Variants in FAF1 observed in about 807,000 individuals in gnomAD.
FAF1 encodes Fas associated factor 1, also known as FAS-associated factor 1.
FAF1 carries 25 observed loss-of-function variants against 92.5 expected under a neutral mutation model. That is an observed-to-expected ratio of 0.27 (90% CI 0.20 to 0.38). The LOEUF (loss-of-function observed/expected upper bound fraction) is 0.38, where lower values mean the gene tolerates loss of function less well. Ranked by LOEUF, FAF1 falls within the 10% of genes least tolerant of loss-of-function variation. FAF1 has a pLI of 1.00. For missense variants in FAF1, 636 were observed against 793.3 expected (o/e 0.80, Z 2.38); for synonymous variants, 234 against 273.2 (o/e 0.86, Z 1.42).
chr1:50,813,865 G>A (rs973147968), intron 2 of FAF1, among the ~76,000 whole-genome samples: 1 of 151,328 alleles, frequency 6.6e-6, no homozygotes, highest in Admixed American at 6.6e-5. Context: ...TGAAGAAAAT[G>A]AAAACATATG....
intron 2 of FAF1, among the ~76,000 whole-genome samples, chr1:50,836,958 T>TC (rs1644211576): frequency 1.5e-5 from 2 of 132,972 alleles, no homozygotes; most frequent in African/African-American, 6.0e-5. Context: ...TTTCTTTTTT[T>TC]TTTTTTTTTT....
intron 1 of FAF1, among the ~76,000 whole-genome samples, chr1:50,885,227 T>C (rs1472568217): frequency 6.6e-6 from 1 of 152,060 alleles, no homozygotes; most frequent in Non-Finnish European, 1.5e-5. Flanking sequence ...TTGCCTTTCA[T>C]TGATCTTGTG....
intron 8 of FAF1, among the ~76,000 whole-genome samples, chr1:50,629,327 G>C (rs146715768): frequency 6.6e-6 from 1 of 152,070 alleles, no homozygotes; most frequent in East Asian, 1.9e-4. Flanking sequence ...ATGGCACCAC[G>C]CCCAGCTAAG....
At chr1:50,635,424 G>GTTGTT (rs1026593198) in intron 8 of FAF1, among the ~76,000 whole-genome samples, 1 of 152,088 alleles carries the variant, frequency 6.6e-6, no homozygotes, top group African/African-American at 2.4e-5. Context: ...TAATCTGGTT[G>GTTGTT]TTGTTTTGTT....
intron 2 of FAF1, among the ~76,000 whole-genome samples, chr1:50,855,313 C>T (rs1644382082): frequency 6.6e-6 from 1 of 151,782 alleles, no homozygotes; most frequent in South Asian, 2.1e-4. Context: ...TCAGTGCTCA[C>T]TGAATGTGTT....
At chr1:50,512,584 T>C (rs1270810005) in intron 15 of FAF1, among the ~76,000 whole-genome samples, 3 of 152,210 alleles carry the variant, frequency 2.0e-5, no homozygotes, top group Admixed American at 6.5e-5. Flanking sequence ...TTCTGTTCCA[T>C]TGGTCTATAT....
intron 13 of FAF1, among the ~76,000 whole-genome samples, chr1:50,551,749 C>T (rs1049913240): frequency 1.3e-5 from 2 of 152,120 alleles, no homozygotes; most frequent in Non-Finnish European, 2.9e-5. Context: ...TTCAGAAATA[C>T]AGGCTAAGGT....
chr1:50,798,883 G>T (rs772850875), intron 3 of FAF1, among the ~76,000 whole-genome samples: 4 of 152,100 alleles, frequency 2.6e-5, no homozygotes, highest in Non-Finnish European at 5.9e-5. Flanking sequence ...ATCTTTTTCT[G>T]TTCGTGTTTT....
rs1032997279 is a variant in FAF1 at position 50,785,620 on chromosome 1, AGGAAAGAAAAGAAAAG to A, written c.367+2364_367+2379del. The stretch of plus-strand genomic sequence containing the variant: ...AGGATGGCTACTATACAAAAAAAAA[AGGAAAGAAAAGAAAAG>A]GGAAAGAAAAGAGAAAAGAAAAACA... On this transcript the variant is annotated intron_variant, in intron 4 of 18. Transcript: ENST00000396153. 8.5e-5 allele frequency among the ~76,000 whole-genome samples: 13 copies of A among 152,110 alleles called. No homozygotes were observed. In the South Asian group the frequency reaches 1.0e-3, roughly 12 times the overall value.
intron 15 of FAF1, among the ~76,000 whole-genome samples, chr1:50,524,876 T>C (rs1228725421): frequency 6.6e-6 from 1 of 152,082 alleles, no homozygotes; most frequent in Non-Finnish European, 1.5e-5. Flanking sequence ...AGGCTCTTTT[T>C]TTTGGTCCCA....
At chr1:50,686,257 C>A (rs1656651264) in intron 7 of FAF1, among the ~76,000 whole-genome samples, 1 of 152,020 alleles carries the variant, frequency 6.6e-6, no homozygotes. Context: ...AAAAATGTAA[C>A]AGAAGCTGGG....
chr1:50,590,880 G>A (rs1651469243), intron 9 of FAF1, among the ~76,000 whole-genome samples: 1 of 151,982 alleles, frequency 6.6e-6, no homozygotes, highest in South Asian at 2.1e-4. Context: ...TACTCAGGAG[G>A]CTGAGGCAGG....
intron 1 of FAF1, among the ~76,000 whole-genome samples, chr1:50,948,586 G>T (rs1372859724): frequency 6.7e-6 from 1 of 148,508 alleles, no homozygotes; most frequent in African/African-American, 2.5e-5. Flanking sequence ...AGGCTGGAGT[G>T]CAGTGACGCG....
chr1:50,777,651 G>A (rs1661012813), intron 4 of FAF1, among the ~76,000 whole-genome samples: 1 of 150,594 alleles, frequency 6.6e-6, no homozygotes, highest in African/African-American at 2.4e-5. Flanking sequence ...TCTGAAATAA[G>A]AATGCAGATG....
chr1:50,440,584 A>G lies in FAF1; in HGVS notation c.*856T>C, dbSNP rs1447247185. ...AATGTGTGAGGGAGTAGAGAGAGAGAAAGCAAGAGAGAATTGTGTTCAGTT... is the reference window on the plus strand; with the variant it reads ...AATGTGTGAGGGAGTAGAGAGAGAGGAAGCAAGAGAGAATTGTGTTCAGTT... On this transcript the variant is annotated 3_prime_UTR_variant, in exon 19 of 19. Coordinates refer to ENST00000396153, the MANE Select transcript of FAF1 (RefSeq NM_007051.3). 3.3e-5 allele frequency: 5 copies of G among 152,260 alleles called. No individual in the cohort carries two copies. Among genetic ancestry groups the G allele is most frequent in the African/African-American group, 1.2e-4 (5 of 41,474 alleles). The allele number at this position is 152,260 out of a possible 1,614,324, so 9.4% of individuals were successfully genotyped here.
chr1:50,657,194 AGAGT>A (rs1655153891), intron 7 of FAF1, among the ~76,000 whole-genome samples: 1 of 152,032 alleles, frequency 6.6e-6, no homozygotes, highest in African/African-American at 2.4e-5. Flanking sequence ...CCTGGCAGAC[AGAGT>A]GAGACCCTGT....
chr1:50,800,335 G>A (rs1661940023), intron 3 of FAF1, among the ~76,000 whole-genome samples: 1 of 152,094 alleles, frequency 6.6e-6, no homozygotes, highest in South Asian at 2.1e-4. Flanking sequence ...CACAAAAAGT[G>A]GCAATAACAT....
chr1:50,509,683 A>G (rs1480250893), intron 15 of FAF1, among the ~76,000 whole-genome samples: 1 of 152,132 alleles, frequency 6.6e-6, no homozygotes, highest in African/African-American at 2.4e-5. Context: ...GGACCAGGAC[A>G]TTCATCTTCC....
intron 7 of FAF1, among the ~76,000 whole-genome samples, chr1:50,675,889 G>A (rs982427365): frequency 2.6e-5 from 4 of 152,200 alleles, no homozygotes; most frequent in African/African-American, 7.2e-5. Context: ...TTATTGAGTA[G>A]CAGAGGCACT....
Sources: gnomAD v4.1 joint callset for allele counts (sites outside exome capture counted in the v4.1 genomes callset) on GRCh38, gnomAD v4.1.1 for gene constraint, MANE v1.5 for transcripts, NCBI Gene and HGNC (gene_info 2026-07-23, HGNC 2026-07-21) for gene names.